The following PCDH15 variants were observed in gnomAD, a reference collection of about 807,000 sequenced individuals.
PCDH15 encodes protocadherin-15.
Under a neutral mutation model 178.5 loss-of-function variants are expected in PCDH15, and 129 were observed. That is an observed-to-expected ratio of 0.72 (90% CI 0.63 to 0.84). PCDH15 has a LOEUF of 0.84. PCDH15 is among the 40% of genes least tolerant of loss of function. The pLI is 0.00. For synonymous variants in PCDH15, 800 were observed against 732.0 expected (o/e 1.09, Z -1.50); for missense variants, 2,230 against 2,099.9 (o/e 1.06, Z -1.21).
At chr10:55,529,698 AAT>A (rs1303505031) in intron 2 of PCDH15, among the ~76,000 whole-genome samples, 1 of 129,488 alleles carries the variant, frequency 7.7e-6, no homozygotes, top group African/African-American at 2.8e-5. Context: ...ATTATAAATA[AAT>A]ATATATATGT....
intron 8 of PCDH15, among the ~76,000 whole-genome samples, chr10:54,280,125 T>A (rs1482275122): frequency 6.6e-6 from 1 of 151,728 alleles, no homozygotes; most frequent in Non-Finnish European, 1.5e-5. Context: ...AGCCAGATAA[T>A]TTAAAATAAT....
chr10:54,001,721 T>TA (rs994348303), intron 20 of PCDH15, among the ~76,000 whole-genome samples: 1 of 151,698 alleles, frequency 6.6e-6, no homozygotes, highest in Non-Finnish European at 1.5e-5. Context: ...TCCTTAGTTA[T>TA]AAAAAATAAC....
chr10:54,163,823 A>G (rs1176175188), intron 13 of PCDH15, among the ~76,000 whole-genome samples: 1 of 152,176 alleles, frequency 6.6e-6, no homozygotes, highest in Admixed American at 6.5e-5. Context: ...AACAATTATA[A>G]TAAATTCTGA....
At chr10:55,304,537 A>T (rs1395171932) in intron 1 of PCDH15, among the ~76,000 whole-genome samples, 1 of 152,224 alleles carries the variant, frequency 6.6e-6, no homozygotes, top group African/African-American at 2.4e-5. Flanking sequence ...GGAAAAGTGC[A>T]TCTACTTCAT....
At chr10:54,591,231 T>C (rs1337750897) in intron 2 of PCDH15, among the ~76,000 whole-genome samples, 1 of 152,110 alleles carries the variant, frequency 6.6e-6, no homozygotes, top group Non-Finnish European at 1.5e-5. Context: ...TGTAGATGTG[T>C]TTAAAGTTAA....
chr10:55,488,194 A>G (rs1232820522), intron 2 of PCDH15, among the ~76,000 whole-genome samples: 1 of 151,642 alleles, frequency 6.6e-6, no homozygotes, highest in African/African-American at 2.4e-5. Flanking sequence ...TATTTTCTTT[A>G]AAGTCCACAA....
intron 2 of PCDH15, among the ~76,000 whole-genome samples, chr10:55,112,170 T>G (rs1174673629): frequency 6.6e-6 from 1 of 152,140 alleles, no homozygotes; most frequent in Non-Finnish European, 1.5e-5. Flanking sequence ...CCATGCAAAA[T>G]TCACATGTTG....
chr10:53,985,009 C>A (rs1248186636), intron 21 of PCDH15, among the ~76,000 whole-genome samples: 1 of 152,188 alleles, frequency 6.6e-6, no homozygotes, highest in Non-Finnish European at 1.5e-5. Context: ...ATGTGAAAAG[C>A]AGGCCTGGTT....
At chr10:53,845,728 A>G (rs2077928301) in intron 28 of PCDH15, among the ~76,000 whole-genome samples, 1 of 151,766 alleles carries the variant, frequency 6.6e-6, no homozygotes, top group South Asian at 2.1e-4. Context: ...GAGGGGAAGA[A>G]AGATGGGGAT....
chr10:55,013,450 C>T (rs1840095454), intron 2 of PCDH15, among the ~76,000 whole-genome samples: 1 of 132,234 alleles, frequency 7.6e-6, no homozygotes, highest in Non-Finnish European at 1.6e-5. Context: ...CTCTCAATTA[C>T]TGTGTTTCCA....
intron 2 of PCDH15, among the ~76,000 whole-genome samples, chr10:54,958,833 T>C (rs753756098): frequency 6.6e-6 from 1 of 151,856 alleles, no homozygotes; most frequent in African/African-American, 2.4e-5. Context: ...ATAATTTTCA[T>C]AAAAGAAAAG....
chr10:54,657,465 A>G (rs966905067), intron 2 of PCDH15, among the ~76,000 whole-genome samples: 1 of 152,206 alleles, frequency 6.6e-6, no homozygotes, highest in East Asian at 1.9e-4. Context: ...CTGTTCTCAG[A>G]AAGGCACAGG....
chr10:54,433,950 GTGTGCTAT>G (rs1410980312), intron 3 of PCDH15, among the ~76,000 whole-genome samples: 1 of 152,228 alleles, frequency 6.6e-6, no homozygotes, highest in Non-Finnish European at 1.5e-5. Context: ...ACAGCTCCAT[GTGTGCTAT>G]TGCCCCAAAC....
upstream of PCDH15, among the ~76,000 whole-genome samples, chr10:55,323,127 T>C (rs911610592): frequency 1.3e-5 from 2 of 152,178 alleles, no homozygotes; most frequent in African/African-American, 2.4e-5. Context: ...AGCTTACATG[T>C]GGCATTGGGC....
chr10:53,835,900 C>G (rs1048513073), intron 29 of PCDH15, among the ~76,000 whole-genome samples: 2 of 152,166 alleles, frequency 1.3e-5, no homozygotes, highest in Non-Finnish European at 2.9e-5. Flanking sequence ...AGGCAGGACA[C>G]AAGAGAATAT....
intron 28 of PCDH15, among the ~76,000 whole-genome samples, chr10:53,856,480 A>T (rs1300150769): frequency 6.6e-6 from 1 of 152,098 alleles, no homozygotes; most frequent in African/African-American, 2.4e-5. Flanking sequence ...GCTTAATATT[A>T]GTCAACTTGG....
At chr10:55,564,143 C>T (rs2132102247) in intron 2 of PCDH15, among the ~76,000 whole-genome samples, 1 of 151,674 alleles carries the variant, frequency 6.6e-6, no homozygotes, top group Admixed American at 6.6e-5. Flanking sequence ...GTTTGTACAT[C>T]TACATTTTGT....
intron 1 of PCDH15, among the ~76,000 whole-genome samples, chr10:55,294,316 T>A (rs2132271441): frequency 6.6e-6 from 1 of 152,296 alleles, no homozygotes; most frequent in East Asian, 1.9e-4. Context: ...ACCATGTCAA[T>A]TCTTATTAAT....
chr10:55,627,396 T>A (rs1044434730), intron 2 of PCDH15, among the ~76,000 whole-genome samples: 3 of 152,064 alleles, frequency 2.0e-5, no homozygotes, highest in Non-Finnish European at 2.9e-5. Flanking sequence ...GAAGCTCACA[T>A]TCCCCCAACA....
Sources: allele counts gnomAD v4.1 joint callset (sites outside exome capture counted in the v4.1 genomes callset), GRCh38; gene constraint gnomAD v4.1.1; transcripts MANE v1.5; gene names NCBI Gene and HGNC (gene_info 2026-07-23, HGNC 2026-07-21).